The following SMYD3 variants were observed in gnomAD, a reference collection of about 807,000 sequenced individuals.
SMYD3 encodes the protein SET and MYND domain containing 3.
SMYD3 carries 36 observed loss-of-function variants against 57.7 expected under a neutral mutation model. The ratio of observed to expected loss-of-function variants is 0.62; its 90% confidence interval spans 0.48 to 0.82. The LOEUF is 0.82. SMYD3 is among the 40% of genes least tolerant of loss of function. SMYD3 has a pLI of 0.00. For synonymous variants in SMYD3, 211 were observed against 195.0 expected (o/e 1.08, Z -0.68); for missense variants, 515 against 538.8 (o/e 0.96, Z 0.44).
intron 10 of SMYD3, among the ~76,000 whole-genome samples, chr1:245,803,983 G>A (rs961797581): frequency 8.1e-5 from 12 of 148,140 alleles, no homozygotes; most frequent in Admixed American, 4.1e-4. Flanking sequence ...GCACAATCTC[G>A]GCTCACTGCA....
At chr1:246,455,502 T>TA in intron 1 of SMYD3, among the ~76,000 whole-genome samples, 1 of 152,050 alleles carries the variant, frequency 6.6e-6, no homozygotes, top group African/African-American at 2.4e-5. Flanking sequence ...TGTTAAGAGG[T>TA]TTCCTAGAAA....
At chr1:246,406,387 T>A (rs2066866474) in intron 1 of SMYD3, among the ~76,000 whole-genome samples, 1 of 152,208 alleles carries the variant, frequency 6.6e-6, no homozygotes, top group Non-Finnish European at 1.5e-5. Context: ...AAGAAAAGCA[T>A]GAGGCTGAAT....
At chr1:246,162,654 T>C (rs1016928423) in intron 5 of SMYD3, among the ~76,000 whole-genome samples, 1 of 152,194 alleles carries the variant, frequency 6.6e-6, no homozygotes, top group South Asian at 2.1e-4. Context: ...CTGAAACTTA[T>C]ATTTCTCAGT....
chr1:246,493,209 T>TG (rs908998909), intron 1 of SMYD3, among the ~76,000 whole-genome samples: 41 of 125,218 alleles, frequency 3.3e-4, no homozygotes, highest in Admixed American at 1.6e-3. Flanking sequence ...TCCTAGCTAC[T>TG]GGGGGGGAGG....
intron 1 of SMYD3, among the ~76,000 whole-genome samples, chr1:246,411,834 G>GCA: frequency 8.4e-6 from 1 of 119,388 alleles, no homozygotes. Flanking sequence ...GTGGGGTTGG[G>GCA]GGAGGGGGGA....
At chr1:246,378,747 T>C in intron 1 of SMYD3, among the ~76,000 whole-genome samples, 1 of 82,956 alleles carries the variant, frequency 1.2e-5, no homozygotes, top group African/African-American at 4.7e-5. Context: ...TATAATTATA[T>C]ATAATATATT....
At chr1:246,363,239 C>G (rs1270990240) in intron 1 of SMYD3, among the ~76,000 whole-genome samples, 1 of 150,502 alleles carries the variant, frequency 6.6e-6, no homozygotes, top group Non-Finnish European at 1.5e-5. Context: ...CCACCCCGTC[C>G]GGGAGGGAGG....
chr1:245,841,291 G>T (rs927217323), intron 10 of SMYD3, among the ~76,000 whole-genome samples: 1 of 152,182 alleles, frequency 6.6e-6, no homozygotes, highest in Non-Finnish European at 1.5e-5. Flanking sequence ...TAGCCAAAAA[G>T]TGAGTAGAGC....
intron 5 of SMYD3, among the ~76,000 whole-genome samples, chr1:246,178,273 T>C (rs1458139442): frequency 1.3e-5 from 2 of 152,128 alleles, no homozygotes; most frequent in Admixed American, 1.3e-4. Flanking sequence ...CCCATCACCT[T>C]CAAGAATTTG....
intron 5 of SMYD3, among the ~76,000 whole-genome samples, chr1:246,311,463 G>A (rs748072481): frequency 5.9e-5 from 9 of 152,204 alleles, no homozygotes; most frequent in Non-Finnish European, 1.0e-4. Flanking sequence ...TCACATCCTT[G>A]TAATCATCTA....
intron 1 of SMYD3, among the ~76,000 whole-genome samples, chr1:246,391,518 G>T (rs537280103): frequency 5.9e-5 from 9 of 151,786 alleles, no homozygotes; most frequent in African/African-American, 9.7e-5. Context: ...AACCAAAAAT[G>T]CAAGACTCGA....
At chr1:246,008,263 CTG>C (rs2059211961) in intron 5 of SMYD3, among the ~76,000 whole-genome samples, 1 of 152,144 alleles carries the variant, frequency 6.6e-6, no homozygotes, top group Non-Finnish European at 1.5e-5. Flanking sequence ...CTCGGAGAAA[CTG>C]TGTCCTTATC....
chr1:246,099,198 G>A lies in SMYD3; in HGVS notation c.532-169261C>T, dbSNP rs11583180. Among the ~76,000 whole-genome samples, 4 of 152,238 alleles carry A rather than the reference G, an allele frequency of 2.6e-5. No homozygotes were observed. The East Asian group carries it at 5.8e-4, about 22-fold the overall frequency. Reference sequence around the variant, plus strand: ...TTCAGAATAATATTCAATTTGATACGTATTTTGAAACAAACATTTACTTTG... The same window carrying A: ...TTCAGAATAATATTCAATTTGATACATATTTTGAAACAAACATTTACTTTG... On this transcript the variant is annotated intron_variant, in intron 5 of 11. Transcript: ENST00000490107.
At chr1:246,043,016 C>T (rs1038263416) in intron 5 of SMYD3, among the ~76,000 whole-genome samples, 1 of 152,218 alleles carries the variant, frequency 6.6e-6, no homozygotes, top group East Asian at 1.9e-4. Context: ...CCAGAACACA[C>T]TGGGAAATGT....
At chr1:246,373,483 T>C (rs1014760240) in intron 1 of SMYD3, among the ~76,000 whole-genome samples, 1 of 152,204 alleles carries the variant, frequency 6.6e-6, no homozygotes, top group Admixed American at 6.5e-5. Context: ...ACAAAGGATG[T>C]TATCAAATGA....
intron 5 of SMYD3, among the ~76,000 whole-genome samples, chr1:246,215,130 G>A (rs1303043655): frequency 6.6e-6 from 1 of 152,078 alleles, no homozygotes; most frequent in East Asian, 1.9e-4. Context: ...ACAGTTGCTG[G>A]CGGCTAGATA....
chr1:246,128,924 C>A lies in SMYD3; in HGVS notation c.531+198277G>T, dbSNP rs538463449. 4.2e-4 allele frequency among the ~76,000 whole-genome samples: 64 copies of A among 152,180 alleles called. 1 individual carries two copies. The highest frequency in any genetic ancestry group is 1.4e-3 in the African/African-American group (59 of 41,524). On this transcript the variant is annotated intron_variant, in intron 5 of 11. Transcript: ENST00000490107. ...GCTCAGGTGATCCTCCCACCTCAGC[C>A]TCCCAAGTAGCTGGAACTACAAGCA...
At chr1:246,506,522 C>T (rs1381742968) in intron 1 of SMYD3, among the ~76,000 whole-genome samples, 1 of 152,180 alleles carries the variant, frequency 6.6e-6, no homozygotes, top group African/African-American at 2.4e-5. Flanking sequence ...CTCTTCGTAT[C>T]CCCAGGCCAC....
chr1:246,243,313 T>C (rs2063646155), intron 5 of SMYD3, among the ~76,000 whole-genome samples: 1 of 143,404 alleles, frequency 7.0e-6, no homozygotes, highest in Non-Finnish European at 1.5e-5. Context: ...TAGGGGAATA[T>C]GTTGGTATAT....
Sources: allele counts gnomAD v4.1 joint callset (sites outside exome capture counted in the v4.1 genomes callset), GRCh38; gene constraint gnomAD v4.1.1; transcripts MANE v1.5; gene names NCBI Gene and HGNC (gene_info 2026-07-23, HGNC 2026-07-21).